The following URI1 variants were observed in gnomAD, a reference collection of about 807,000 sequenced individuals.
URI1 encodes the protein unconventional prefoldin RPB5 interactor 1.
URI1 carries 39 observed loss-of-function variants against 60.2 expected under a neutral mutation model. That is an observed-to-expected ratio of 0.65 (90% CI 0.50 to 0.85). The LOEUF is 0.85. Ranked by LOEUF, URI1 falls within the 40% of genes least tolerant of loss-of-function variation. URI1 has a pLI of 0.00. For synonymous variants in URI1, 251 were observed against 236.8 expected (o/e 1.06, Z -0.55); for missense variants, 691 against 665.9 (o/e 1.04, Z -0.42).
At chr19:29,931,807 T>C (rs1480583522) in intron 1 of URI1, among the ~76,000 whole-genome samples, 1 of 152,140 alleles carries the variant, frequency 6.6e-6, no homozygotes, top group Non-Finnish European at 1.5e-5. Flanking sequence ...TTTCAGATTG[T>C]TGTTTCCTAC....
intron 1 of URI1, among the ~76,000 whole-genome samples, chr19:29,933,836 AT>A (rs2054944028): frequency 7.1e-6 from 1 of 141,596 alleles, no homozygotes; most frequent in Non-Finnish European, 1.5e-5. Context: ...AAAAAAAAAA[AT>A]CAACTTTTAT....
At chr19:29,965,844 G>T (rs1255408527) in intron 1 of URI1, among the ~76,000 whole-genome samples, 1 of 152,210 alleles carries the variant, frequency 6.6e-6, no homozygotes, top group Non-Finnish European at 1.5e-5. Flanking sequence ...GAGATGTATA[G>T]TGCCAGAGCA....
chr19:29,993,710 A>C (rs1166002697), intron 4 of URI1, among the ~76,000 whole-genome samples: 1 of 152,168 alleles, frequency 6.6e-6, no homozygotes, highest in Non-Finnish European at 1.5e-5. Context: ...CATGATACAA[A>C]ATCTAAAGGA....
chr19:29,978,068 C>T (rs1379369592), intron 2 of URI1, among the ~76,000 whole-genome samples: 2 of 152,182 alleles, frequency 1.3e-5, no homozygotes, highest in African/African-American at 4.8e-5. Flanking sequence ...ACTGTAAATG[C>T]ATTTTTCTTT....
chr19:29,997,860 G>A (rs557975838), intron 4 of URI1, among the ~76,000 whole-genome samples: 3 of 152,174 alleles, frequency 2.0e-5, no homozygotes, highest in Middle Eastern at 3.4e-3. Flanking sequence ...CATCTCCCGC[G>A]TTGAAGGGAT....
At chr19:30,003,008 AT>A (rs2055896913) in intron 4 of URI1, among the ~76,000 whole-genome samples, 1 of 152,010 alleles carries the variant, frequency 6.6e-6, no homozygotes, top group Non-Finnish European at 1.5e-5. Context: ...CTTAAAATAA[AT>A]TTTTGGAGAA....
rs191458273 is a variant in URI1, at chr19:29,973,968, A to G, written c.152+2741A>G. On this transcript the variant is annotated intron_variant, in intron 2 of 10. Coordinates refer to ENST00000392271, the MANE Select transcript of URI1 (RefSeq NM_003796.3). ...GAAATCCACACACTGTTACCTCCTT[A>G]AAGTATGAGGATACTTCCCACTGTT... 1.0e-3 allele frequency among the ~76,000 whole-genome samples: 157 copies of G among 152,306 alleles called. 3 individuals carry two copies. Among genetic ancestry groups the G allele is most frequent in the African/African-American group, 3.7e-3 (155 of 41,578 alleles).
At chr19:29,994,736 G>T (rs1462855005) in intron 4 of URI1, among the ~76,000 whole-genome samples, 3 of 150,618 alleles carry the variant, frequency 2.0e-5, no homozygotes, top group Non-Finnish European at 2.9e-5. Context: ...TATTTGGGGT[G>T]TATATCTGAA....
chr19:29,948,944 C>A (rs335040), intron 1 of URI1, among the ~76,000 whole-genome samples: 4 of 151,090 alleles, frequency 2.6e-5, no homozygotes, highest in South Asian at 2.1e-4. Context: ...ACCTCCCAGA[C>A]GGGACCGCGG....
intron 9 of URI1, among the ~76,000 whole-genome samples, chr19:30,011,823 T>C (rs1412783164): frequency 6.8e-6 from 1 of 146,790 alleles, no homozygotes; most frequent in Non-Finnish European, 1.5e-5. Flanking sequence ...GTTTTTGTTC[T>C]CACTCATAGG....
In URI1 at chr19:29,924,673, G is replaced by A. The variant is rs539324939; in HGVS notation, c.63+919G>A. On this transcript the variant is annotated intron_variant, in intron 1 of 10. Transcript: ENST00000360605. ...GAGCAAGTGATACCGGGACTGATGGGATGGCTGGAGTGTGTGTTGCACAGA... is the reference window on the plus strand; with the variant it reads ...GAGCAAGTGATACCGGGACTGATGGAATGGCTGGAGTGTGTGTTGCACAGA... Among the ~76,000 whole-genome samples the A allele has an allele frequency of 1.1e-4, 17 of 152,240 alleles. 1 individual carries two copies. In the South Asian group the frequency reaches 2.3e-3, roughly 20 times the overall value.
At chr19:29,947,812 C>G (rs1485835647) in intron 1 of URI1, among the ~76,000 whole-genome samples, 1 of 152,082 alleles carries the variant, frequency 6.6e-6, no homozygotes, top group Non-Finnish European at 1.5e-5. Flanking sequence ...ACAATTGTTT[C>G]CTTCATGGTT....
intron 1 of URI1, among the ~76,000 whole-genome samples, chr19:29,946,191 G>C: frequency 6.6e-6 from 1 of 152,030 alleles, no homozygotes; most frequent in East Asian, 1.9e-4. Flanking sequence ...TAAAATATTT[G>C]TTGGAAAAAT....
chr19:29,961,976 C>T (rs532770145), intron 1 of URI1, among the ~76,000 whole-genome samples: 25 of 152,252 alleles, frequency 1.6e-4, no homozygotes, highest in African/African-American at 3.4e-4. Flanking sequence ...TGTGCCACTG[C>T]GCCCGGCTGC....
Position 29,926,692 on chromosome 19 carries a change from C to T in URI1, c.63+2938C>T, listed in dbSNP as rs74457742. ...TCTGCATATGTGTTAAACTGCAGTA[C>T]AAGGTTAAAAGAAAATGTGTGAAAC... is the stretch of plus-strand genomic sequence containing the variant. On this transcript the variant is annotated intron_variant, in intron 1 of 10. Coordinates refer to the URI1 transcript ENST00000360605. Among the ~76,000 whole-genome samples, 18 of 152,286 alleles carry T rather than the reference C, an allele frequency of 1.2e-4. No individual in the cohort carries two copies. In the East Asian group the frequency reaches 3.5e-3, roughly 29 times the overall value.
At chr19:29,979,626 AT>A (rs1347364439) in intron 2 of URI1, among the ~76,000 whole-genome samples, 2 of 152,134 alleles carry the variant, frequency 1.3e-5, no homozygotes, top group Non-Finnish European at 2.9e-5. Context: ...TCTTTAGATA[AT>A]TTTGTTTCAT....
chr19:29,928,267 C>T (rs75909287), intron 1 of URI1, among the ~76,000 whole-genome samples: 13,612 of 152,068 alleles, frequency 0.09, 859 homozygotes, highest in East Asian at 0.22. Flanking sequence ...TAGGCTGTTT[C>T]GAGGAATCAC....
chr19:29,948,984 C>T (rs1428739333), intron 1 of URI1, among the ~76,000 whole-genome samples: 4 of 149,076 alleles, frequency 2.7e-5, no homozygotes, highest in South Asian at 2.1e-4. Flanking sequence ...ACCTCCCGGA[C>T]GGGGCGGCTG....
rs34820413 is a variant in URI1 at position 29,935,700 on chromosome 19, C to CT, written c.63+11960dup. 1.1e-3 allele frequency among the ~76,000 whole-genome samples: 150 copies of CT among 131,764 alleles called. 2 individuals carry two copies. The highest frequency in any genetic ancestry group is 1.6e-3 in the South Asian group (6 of 3,836). The allele number at this position is 131,764 out of a possible 152,430, so 86.4% of individuals were successfully genotyped here. On this transcript the variant is annotated intron_variant, in intron 1 of 10. Transcript: ENST00000360605. ...TGGTAGGAAATTCTTGGTTGACAGT[C>CT]TTTTTTTTTTTTTTCCCCAGGACTT...
Sources: gnomAD v4.1 joint callset for allele counts (sites outside exome capture counted in the v4.1 genomes callset) on GRCh38, gnomAD v4.1.1 for gene constraint, MANE v1.5 for transcripts, NCBI Gene and HGNC (gene_info 2026-07-23, HGNC 2026-07-21) for gene names.